Variants in NLGN1 observed in about 807,000 individuals in gnomAD.
NLGN1 encodes the protein neuroligin-1.
NLGN1 carries 12 observed loss-of-function variants against 65.5 expected under a neutral mutation model. That is an observed-to-expected ratio of 0.18 (90% CI 0.12 to 0.30). The LOEUF is 0.30. Ranked by LOEUF, NLGN1 falls within the 10% of genes least tolerant of loss-of-function variation. The pLI is 1.00. For synonymous variants in NLGN1, 350 were observed against 359.5 expected, an observed-to-expected ratio of 0.97 and a Z score of 0.30; for missense variants, 750 against 1,007.1, an observed-to-expected ratio of 0.74 and a Z score of 3.46.
Position 173,895,077 on chromosome 3 carries a change from A to AG in NLGN1, c.646+87252dup, listed in dbSNP as rs1218648378. Among the ~76,000 whole-genome samples the AG allele has an allele frequency of 2.6e-5, 4 of 152,094 alleles. No individual in the cohort carries two copies. The South Asian group carries it at 6.2e-4, about 24-fold the overall frequency. On this transcript the variant is annotated intron_variant, in intron 4 of 6. Coordinates refer to ENST00000457714, the Ensembl canonical transcript of NLGN1. The stretch of plus-strand genomic sequence containing the variant: ...GTTTCCTTGCTTTTTTGGTGCCGGG[A>AG]GGGGGGGAGTTGTTGATCTAATAAT...
intron 4 of NLGN1, among the ~76,000 whole-genome samples, chr3:174,235,615 C>T (rs1741565478): frequency 6.6e-6 from 1 of 152,184 alleles, no homozygotes; most frequent in African/African-American, 2.4e-5. Flanking sequence ...AATACAACAC[C>T]CTTCTCAACT....
chr3:173,531,684 A>C (rs981024402), intron 2 of NLGN1, among the ~76,000 whole-genome samples: 5 of 152,096 alleles, frequency 3.3e-5, no homozygotes, highest in African/African-American at 1.2e-4. Flanking sequence ...CTTTATATTC[A>C]AAGTTAAGTT....
chr3:174,057,193 T>G (rs1038111545), intron 4 of NLGN1, among the ~76,000 whole-genome samples: 7 of 152,108 alleles, frequency 4.6e-5, no homozygotes, highest in African/African-American at 1.4e-4. Flanking sequence ...AGAAGAGAAG[T>G]AAGTCATAAC....
intron 3 of NLGN1, among the ~76,000 whole-genome samples, chr3:173,658,478 A>G (rs1760420116): frequency 6.6e-6 from 1 of 151,988 alleles, no homozygotes; most frequent in Non-Finnish European, 1.5e-5. Flanking sequence ...AGGTAGTCCT[A>G]CTTCTAATCT....
intron 3 of NLGN1, among the ~76,000 whole-genome samples, chr3:173,699,929 A>G (rs1021316575): frequency 2.6e-5 from 4 of 152,232 alleles, no homozygotes; most frequent in Admixed American, 2.6e-4. Flanking sequence ...TCACAGAGGT[A>G]CTATTTAGTG....
At chr3:173,805,104 C>T (rs1326214224) in intron 3 of NLGN1, among the ~76,000 whole-genome samples, 2 of 152,062 alleles carry the variant, frequency 1.3e-5, no homozygotes, top group Non-Finnish European at 2.9e-5. Flanking sequence ...CCATTTTTTT[C>T]CTGTAACAGA....
At chr3:173,949,617 G>A (rs1747823705) in intron 4 of NLGN1, among the ~76,000 whole-genome samples, 1 of 152,028 alleles carries the variant, frequency 6.6e-6, no homozygotes, top group African/African-American at 2.4e-5. Flanking sequence ...GTAAAACCAA[G>A]CCTTAAAAAA....
rs16829338 is a variant in NLGN1, at chr3:173,678,322, C to T, written c.493+73231C>T. On this transcript the variant is annotated intron_variant, in intron 3 of 6. Transcript: ENST00000457714. ...AACATACAGACTGTTAAGAGGGCTA[C>T]GTTAGAAATAATTACTACACAGATT... 6.5e-3 allele frequency among the ~76,000 whole-genome samples: 990 copies of T among 152,052 alleles called. 14 individuals carry two copies. Among genetic ancestry groups the T allele is most frequent in the African/African-American group, 0.023 (945 of 41,480 alleles).
intron 4 of NLGN1, among the ~76,000 whole-genome samples, chr3:174,243,179 A>T (rs916896628): frequency 1.3e-5 from 2 of 152,226 alleles, no homozygotes; most frequent in African/African-American, 4.8e-5. Context: ...GTTCACATAT[A>T]GACATTTCTA....
At chr3:173,409,300 CTGTT>C (rs908135512) in intron 1 of NLGN1, among the ~76,000 whole-genome samples, 26 of 152,144 alleles carry the variant, frequency 1.7e-4, no homozygotes, top group Non-Finnish European at 3.4e-4. Context: ...CTATCTACCT[CTGTT>C]TATCTTTATT....
chr3:173,617,661 G>A (rs557422910), intron 3 of NLGN1, among the ~76,000 whole-genome samples: 6 of 152,128 alleles, frequency 3.9e-5, no homozygotes, highest in Non-Finnish European at 8.8e-5. Flanking sequence ...ACTCTGTCAC[G>A]GGCCCTCGAG....
intron 4 of NLGN1, among the ~76,000 whole-genome samples, chr3:173,887,344 T>C (rs938050435): frequency 4.6e-5 from 7 of 152,046 alleles, no homozygotes; most frequent in Admixed American, 6.6e-5. Flanking sequence ...CTTTTTTGAC[T>C]TCTTTCACTT....
intron 4 of NLGN1, among the ~76,000 whole-genome samples, chr3:174,146,003 A>G (rs1723152091): frequency 6.6e-6 from 1 of 152,206 alleles, no homozygotes; most frequent in Non-Finnish European, 1.5e-5. Context: ...GCATTCACAA[A>G]CCTTGTAACT....
chr3:173,877,791 A>G (rs1256973509), intron 4 of NLGN1, among the ~76,000 whole-genome samples: 1 of 152,192 alleles, frequency 6.6e-6, no homozygotes, highest in Non-Finnish European at 1.5e-5. Context: ...TGTACCAGGC[A>G]TTGTTACAAA....
At chr3:173,603,309 TA>T (rs1270853590) in intron 2 of NLGN1, among the ~76,000 whole-genome samples, 1 of 152,156 alleles carries the variant, frequency 6.6e-6, no homozygotes, top group Non-Finnish European at 1.5e-5. Flanking sequence ...CACTGAATGT[TA>T]TATTTTAGTC....
intron 4 of NLGN1, among the ~76,000 whole-genome samples, chr3:173,810,157 G>A (rs1194653151): frequency 6.6e-6 from 1 of 152,136 alleles, no homozygotes; most frequent in Non-Finnish European, 1.5e-5. Flanking sequence ...TTGTGAAAAT[G>A]TATTTAAATA....
At chr3:173,800,022 A>T (rs1228807752) in intron 3 of NLGN1, among the ~76,000 whole-genome samples, 7 of 19,048 alleles carry the variant, frequency 3.7e-4, no homozygotes, top group South Asian at 2.0e-3. Flanking sequence ...TTTTTTTTTA[A>T]AAGTCTTTGC....
intron 3 of NLGN1, among the ~76,000 whole-genome samples, chr3:173,682,294 TA>T (rs1764050535): frequency 6.6e-6 from 1 of 152,046 alleles, no homozygotes; most frequent in Non-Finnish European, 1.5e-5. Flanking sequence ...TGCCCATCTA[TA>T]AAGACAATAG....
intron 3 of NLGN1, among the ~76,000 whole-genome samples, chr3:173,642,556 C>A (rs1757584477): frequency 6.6e-6 from 1 of 152,168 alleles, no homozygotes; most frequent in South Asian, 2.1e-4. Flanking sequence ...TGCTAACCAG[C>A]TAAACTGACA....
Sources: allele counts gnomAD v4.1 joint callset (sites outside exome capture counted in the v4.1 genomes callset), GRCh38; gene constraint gnomAD v4.1.1; transcripts MANE v1.5; gene names NCBI Gene and HGNC (gene_info 2026-07-23, HGNC 2026-07-21).